PHACTR4: variants seen among roughly 807,000 people sequenced by gnomAD.
PHACTR4 encodes protein phosphatase 1, regulatory subunit 124.
A neutral mutation model predicts 72.7 loss-of-function variants in PHACTR4; 51 were observed. The observed-to-expected ratio is 0.70, with a 90% confidence interval of 0.56 to 0.89. The LOEUF is 0.89. Among genes scored for constraint, PHACTR4 ranks in the 40% least tolerant of loss-of-function variants. PHACTR4 has a pLI of 0.00. For missense variants in PHACTR4, 731 were observed against 861.8 expected, an observed-to-expected ratio of 0.85 and a Z score of 1.90; for synonymous variants, 255 against 302.5, an observed-to-expected ratio of 0.84 and a Z score of 1.63.
chr1:28,440,162 C>T (rs1234450862), intron 2 of PHACTR4, among the ~76,000 whole-genome samples: 8 of 151,148 alleles, frequency 5.3e-5, no homozygotes, highest in Admixed American at 1.3e-4. Flanking sequence ...ATCAGCTGGG[C>T]GTGGTGGCGG....
chr1:28,493,613 A>C (rs1661170691), intron 13 of PHACTR4, among the ~76,000 whole-genome samples: 1 of 152,220 alleles, frequency 6.6e-6, no homozygotes, highest in South Asian at 2.1e-4. Context: ...CCTTGTAATA[A>C]ACATGCAAGA....
At chr1:28,459,545 G>C (rs1383539733) in intron 3 of PHACTR4, among the ~76,000 whole-genome samples, 1 of 151,826 alleles carries the variant, frequency 6.6e-6, no homozygotes, top group Admixed American at 6.6e-5. Flanking sequence ...GGAAGTACAA[G>C]CATGAGCTAC....
intron 8 of PHACTR4, among the ~76,000 whole-genome samples, chr1:28,478,628 G>GT (rs991484221): frequency 6.6e-6 from 1 of 151,598 alleles, no homozygotes; most frequent in Non-Finnish European, 1.5e-5. Flanking sequence ...TTTTGTTTTT[G>GT]TTTTTTTAGT....
At chr1:28,418,308 C>CAAAAAAAAA (rs1197069007) in intron 2 of PHACTR4, among the ~76,000 whole-genome samples, 1 of 130,036 alleles carries the variant, frequency 7.7e-6, no homozygotes. Flanking sequence ...ACTAAAAATA[C>CAAAAAAAAA]AAAAAAAAAA....
rs567946209 is a variant in PHACTR4 at position 28,468,389 on chromosome 1, AAGACC to A, written c.823+1624_823+1628del. Among the ~76,000 whole-genome samples, 201 of 152,170 alleles carry A rather than the reference AAGACC, an allele frequency of 1.3e-3. 1 individual carries two copies. Among genetic ancestry groups the A allele is most frequent in the African/African-American group, 4.7e-3 (195 of 41,542 alleles). ...GTGGATCACCTGAGGTCAGGAGTTCAAGACCAGCCTGGCCAACATGGTGAAACGCC... is the reference window on the plus strand; with the variant it reads ...GTGGATCACCTGAGGTCAGGAGTTCAAGCCTGGCCAACATGGTGAAACGCC... On this transcript the variant is annotated intron_variant, in intron 6 of 13. Coordinates refer to ENST00000373839, the MANE Select transcript of PHACTR4 (RefSeq NM_001048183.3).
intron 1 of PHACTR4, among the ~76,000 whole-genome samples, chr1:28,378,198 TAAAAA>T (rs60280611): frequency 1.3e-5 from 1 of 76,382 alleles, no homozygotes; most frequent in Non-Finnish European, 2.4e-5. Flanking sequence ...CTCCATCTCA[TAAAAA>T]AAAAAAAAAA....
chr1:28,402,833 T>G (rs1358378385), intron 1 of PHACTR4, among the ~76,000 whole-genome samples: 2 of 152,212 alleles, frequency 1.3e-5, no homozygotes, highest in Admixed American at 6.6e-5. Context: ...GGTATTTTGT[T>G]AATGGAAACT....
chr1:28,390,697 G>T lies in PHACTR4; in HGVS notation c.-38-16713G>T, dbSNP rs1372084351. Among the ~76,000 whole-genome samples, 5 of 152,218 alleles carry T rather than the reference G, an allele frequency of 3.3e-5. No homozygotes were observed. In the East Asian group the frequency reaches 9.7e-4, roughly 29 times the overall value. On this transcript the variant is annotated intron_variant, in intron 1 of 13. Transcript: ENST00000373839. ...AATCCCACATACTCAGGAGGCTGAG[G>T]CAGGAGAATCACTTGAACCCCAGGG...
intron 2 of PHACTR4, among the ~76,000 whole-genome samples, chr1:28,455,570 A>C (rs1658329271): frequency 6.6e-6 from 1 of 152,008 alleles, no homozygotes; most frequent in African/African-American, 2.4e-5. Flanking sequence ...TTTAACCTCC[A>C]TGAGGTTTCC....
chr1:28,430,823 A>C (rs1656206359), intron 2 of PHACTR4, among the ~76,000 whole-genome samples: 1 of 152,154 alleles, frequency 6.6e-6, no homozygotes, highest in African/African-American at 2.4e-5. Context: ...TTCATACTTC[A>C]GCATAAAAAT....
chr1:28,433,572 C>T (rs1238980125), intron 2 of PHACTR4, among the ~76,000 whole-genome samples: 1 of 149,664 alleles, frequency 6.7e-6, no homozygotes, highest in Admixed American at 6.7e-5. Flanking sequence ...ATTTTCCTGC[C>T]TCAGCCTCCT....
intron 9 of PHACTR4, among the ~76,000 whole-genome samples, chr1:28,482,842 G>GTTC (rs1660363852): frequency 6.7e-6 from 1 of 150,118 alleles, no homozygotes; most frequent in Non-Finnish European, 1.5e-5. Flanking sequence ...TGGAAGCTTA[G>GTTC]GTAGAAGGAT....
intron 2 of PHACTR4, among the ~76,000 whole-genome samples, chr1:28,409,398 A>G (rs1440438872): frequency 2.6e-5 from 4 of 152,172 alleles, no homozygotes; most frequent in African/African-American, 9.6e-5. Flanking sequence ...ACTGATGCTC[A>G]TTTCAAAGTG....
At chr1:28,416,963 T>C (rs927540688) in intron 2 of PHACTR4, among the ~76,000 whole-genome samples, 1 of 152,172 alleles carries the variant, frequency 6.6e-6, no homozygotes, top group Non-Finnish European at 1.5e-5. Flanking sequence ...AAGTTGGAAA[T>C]ATTCTCCTTT....
At chr1:28,375,980 A>G (rs972748303) in intron 1 of PHACTR4, among the ~76,000 whole-genome samples, 4 of 151,966 alleles carry the variant, frequency 2.6e-5, no homozygotes, top group Non-Finnish European at 5.9e-5. Flanking sequence ...GAGGCAGGAG[A>G]ATGGCTTGAA....
At chr1:28,399,664 A>T (rs1653799661) in intron 1 of PHACTR4, among the ~76,000 whole-genome samples, 1 of 152,224 alleles carries the variant, frequency 6.6e-6, no homozygotes, top group African/African-American at 2.4e-5. Context: ...AACAGAACAG[A>T]TAAAGTATCT....
Position 28,473,874 on chromosome 1 carries a change from C to T in PHACTR4, c.1144C>T (p.Gln382Ter), listed in dbSNP as rs1289673898. 6.2e-7 allele frequency: 1 copy of T among 1,613,924 alleles called. No homozygotes were observed. Among genetic ancestry groups the T allele is most frequent in the Non-Finnish European group, 8.5e-7 (1 of 1,179,998 alleles). ...GTTTCCACCATCCTTAGATCTACAC[C>T]AGGAGATTCCCCAGCAGGAAGATCA... ...IEFPPSLDLH[Q>*]EIPQQEDQKK... The change falls in exon 7 of 14, where the codon CAG becomes TAG. Residue 382 changes from glutamine to a stop codon, truncating the protein, a stop_gained. Transcript: ENST00000373839. LOFTEE classifies it high-confidence loss of function.
intron 2 of PHACTR4, among the ~76,000 whole-genome samples, chr1:28,441,764 G>A (rs181162749): frequency 1.3e-5 from 2 of 152,304 alleles, no homozygotes; most frequent in East Asian, 1.9e-4. Flanking sequence ...GGAGGCTGAC[G>A]CAGGAGAATC....
At chr1:28,370,625 C>CAAAAAAAAA in intron 1 of PHACTR4, among the ~76,000 whole-genome samples, 1 of 90,004 alleles carries the variant, frequency 1.1e-5, no homozygotes, top group Non-Finnish European at 2.2e-5. Context: ...AAAAAAAAAC[C>CAAAAAAAAA]CTCCAGTGCT....
Sources: gnomAD v4.1 joint callset for allele counts (sites outside exome capture counted in the v4.1 genomes callset) on GRCh38, gnomAD v4.1.1 for gene constraint, MANE v1.5 for transcripts, NCBI Gene and HGNC (gene_info 2026-07-23, HGNC 2026-07-21) for gene names.